The following CNTNAP2 variants were observed in gnomAD, a reference collection of about 807,000 sequenced individuals.
CNTNAP2 encodes the protein contactin-associated protein-like 2.
CNTNAP2 carries 98 observed loss-of-function variants against 155.2 expected under a neutral mutation model. The ratio of observed to expected loss-of-function variants is 0.63; its 90% CI spans 0.54 to 0.75. The LOEUF is 0.75. Among genes scored for constraint, CNTNAP2 ranks in the 30% least tolerant of loss-of-function variants. The probability of loss-of-function intolerance (pLI) is 0.00; values close to 1 mark genes in which losing one functional copy is unlikely to be tolerated. For synonymous variants in CNTNAP2, 651 were observed against 631.2 expected (o/e 1.03, Z -0.47); for missense variants, 1,727 against 1,688.1 (o/e 1.02, Z -0.40).
intron 12 of CNTNAP2, among the ~76,000 whole-genome samples, chr7:147,630,267 A>G (rs772726809): frequency 8.7e-5 from 13 of 150,196 alleles, no homozygotes; most frequent in Non-Finnish European, 1.3e-4. Context: ...TCAGGAAGAA[A>G]TAGAGATTCT....
intron 1 of CNTNAP2, among the ~76,000 whole-genome samples, chr7:146,288,793 A>ATTTTTTTT (rs757136036): frequency 2.0e-5 from 2 of 100,040 alleles, no homozygotes; most frequent in African/African-American, 1.1e-4. Context: ...AAAATTAGTA[A>ATTTTTTTT]TTTTTTTTTT....
chr7:146,218,657 C>T (rs902413379), intron 1 of CNTNAP2, among the ~76,000 whole-genome samples: 2 of 152,058 alleles, frequency 1.3e-5, no homozygotes, highest in African/African-American at 4.8e-5. Flanking sequence ...TTGCTGACAA[C>T]CAAGTCCTCC....
At position 147,361,457 on chromosome 7, in the gene CNTNAP2, C is replaced by A. The variant is rs140990206; in HGVS notation, c.1499-34152C>A. ...GAGATTTCTAGGAATGCAATCTATA[C>A]CCTGTATAATTTAACTTTTAAGTCA... On this transcript the variant is annotated intron_variant, in intron 9 of 23. Coordinates refer to ENST00000361727, the MANE Select transcript of CNTNAP2 (RefSeq NM_014141.6). Among the ~76,000 whole-genome samples the A allele has an allele frequency of 2.0e-3, 307 of 152,276 alleles. 1 individual carries two copies. The highest frequency in any genetic ancestry group is 6.7e-3 in the African/African-American group (280 of 41,570).
chr7:147,831,203 C>A (rs2116635427), intron 13 of CNTNAP2, among the ~76,000 whole-genome samples: 1 of 152,238 alleles, frequency 6.6e-6, no homozygotes, highest in South Asian at 2.1e-4. Context: ...TGATTAATTA[C>A]ATTAAAACAG....
At chr7:146,884,467 G>A (rs574844627) in intron 3 of CNTNAP2, among the ~76,000 whole-genome samples, 1 of 152,200 alleles carries the variant, frequency 6.6e-6, no homozygotes, top group African/African-American at 2.4e-5. Flanking sequence ...TGGGCATCTC[G>A]AAACCTCCCA....
intron 1 of CNTNAP2, among the ~76,000 whole-genome samples, chr7:146,387,545 A>C (rs948459148): frequency 6.6e-6 from 1 of 152,136 alleles, no homozygotes; most frequent in Non-Finnish European, 1.5e-5. Context: ...TCATGAAGTA[A>C]TATGTTTACT....
chr7:147,861,736 C>G (rs1799136005), intron 13 of CNTNAP2, among the ~76,000 whole-genome samples: 1 of 152,062 alleles, frequency 6.6e-6, no homozygotes, highest in Non-Finnish European at 1.5e-5. Context: ...TAAGACATTA[C>G]CAAGTGTGGT....
intron 1 of CNTNAP2, among the ~76,000 whole-genome samples, chr7:146,309,289 A>G (rs1255026606): frequency 6.6e-6 from 1 of 152,094 alleles, no homozygotes; most frequent in African/African-American, 2.4e-5. Context: ...TCGGGCTGCC[A>G]TATGTGTTTA....
chr7:146,971,459 G>T (rs12703869), intron 3 of CNTNAP2, among the ~76,000 whole-genome samples: 44,456 of 152,020 alleles, frequency 0.29, 7,285 homozygotes, highest in Non-Finnish European at 0.36. Context: ...AGAGGAAATA[G>T]AAGGGTTATC....
chr7:146,704,290 A>C (rs1397334916), intron 1 of CNTNAP2, among the ~76,000 whole-genome samples: 1 of 152,122 alleles, frequency 6.6e-6, no homozygotes, highest in Non-Finnish European at 1.5e-5. Flanking sequence ...GCCCAGTCCC[A>C]GCAATTTTAC....
intron 20 of CNTNAP2, among the ~76,000 whole-genome samples, chr7:148,244,771 T>C (rs545090211): frequency 1.6e-3 from 237 of 151,994 alleles, no homozygotes; most frequent in African/African-American, 5.4e-3. Flanking sequence ...CCATGTTGCC[T>C]AGGCTGGTCT....
intron 2 of CNTNAP2, among the ~76,000 whole-genome samples, chr7:146,826,857 T>TATAGAGAGAG (rs773069615): frequency 3.6e-5 from 5 of 138,972 alleles, no homozygotes; most frequent in African/African-American, 1.4e-4. Flanking sequence ...TATATATATA[T>TATAGAGAGAG]AGAGAGAGAG....
chr7:148,110,753 G>C (rs556452204), intron 15 of CNTNAP2, among the ~76,000 whole-genome samples: 1 of 152,080 alleles, frequency 6.6e-6, no homozygotes, highest in Non-Finnish European at 1.5e-5. Context: ...CCAGCTCCCC[G>C]CTATGACCCT....
chr7:147,546,502 G>T (rs2116755718), intron 11 of CNTNAP2, among the ~76,000 whole-genome samples: 1 of 152,254 alleles, frequency 6.6e-6, no homozygotes, highest in African/African-American at 2.4e-5. Flanking sequence ...CAAGGGACAT[G>T]CCCACAACTA....
chr7:147,932,225 T>A (rs1372247979), intron 14 of CNTNAP2, among the ~76,000 whole-genome samples: 1 of 152,078 alleles, frequency 6.6e-6, no homozygotes, highest in Admixed American at 6.5e-5. Context: ...ATTCCAAAAC[T>A]CATATGGAAA....
intron 8 of CNTNAP2, among the ~76,000 whole-genome samples, chr7:147,265,537 C>T (rs1373619743): frequency 6.6e-6 from 1 of 152,190 alleles, no homozygotes; most frequent in Non-Finnish European, 1.5e-5. Context: ...GTGGGAGGGG[C>T]AGCTGTGATC....
intron 1 of CNTNAP2, among the ~76,000 whole-genome samples, chr7:146,721,875 G>GTATATATATATATATATATA (rs1554472550): frequency 1.3e-5 from 1 of 76,656 alleles, no homozygotes; most frequent in African/African-American, 1.8e-4. Flanking sequence ...GTGTGTGTGT[G>GTATATATATATATATATATA]TATATATATA....
intron 13 of CNTNAP2, among the ~76,000 whole-genome samples, chr7:147,756,880 T>A (rs2116512348): frequency 6.6e-6 from 1 of 152,348 alleles, no homozygotes; most frequent in South Asian, 2.1e-4. Flanking sequence ...CCCTTTAGTG[T>A]CTTTATCAGA....
intron 12 of CNTNAP2, among the ~76,000 whole-genome samples, chr7:147,634,085 C>G (rs574826086): frequency 3.3e-5 from 5 of 152,142 alleles, no homozygotes; most frequent in Admixed American, 3.3e-4. Context: ...ACCATTTGAT[C>G]CAGCAATCCC....
Sources: allele counts gnomAD v4.1 joint callset (sites outside exome capture counted in the v4.1 genomes callset), GRCh38; gene constraint gnomAD v4.1.1; transcripts MANE v1.5; gene names NCBI Gene and HGNC (gene_info 2026-07-23, HGNC 2026-07-21).